The following METTL15 variants were observed in gnomAD, a reference collection of about 807,000 sequenced individuals.
METTL15 encodes the protein methyltransferase 15, mitochondrial 12S rRNA N4-cytidine.
A neutral mutation model predicts 38.3 loss-of-function variants in METTL15; 34 were observed. The ratio of observed to expected loss-of-function variants is 0.89; its 90% confidence interval spans 0.68 to 1.18. METTL15 has a LOEUF of 1.18. Ranked by LOEUF, METTL15 falls within the 50% of genes most tolerant of loss-of-function variation. The pLI is 0.00. For synonymous variants in METTL15, 162 were observed against 170.9 expected (o/e 0.95, Z 0.41); for missense variants, 438 against 498.4 (o/e 0.88, Z 1.15).
chr11:28,328,147 A>G (rs1451149190), intron 6 of METTL15: 1 of 1,611,568 alleles, frequency 6.2e-7, no homozygotes, highest in African/African-American at 1.3e-5. Flanking sequence ...AGGAAAATGG[A>G]CGAATTGAAT....
At chr11:28,172,706 C>A (rs944776127) in intron 3 of METTL15, among the ~76,000 whole-genome samples, 2 of 152,128 alleles carry the variant, frequency 1.3e-5, no homozygotes, top group Non-Finnish European at 1.5e-5. Flanking sequence ...TCAGACATTG[C>A]GTTAGGTACT....
At chr11:28,145,184 G>C (rs1849837783) in intron 3 of METTL15, 1 of 153,012 alleles carries the variant, frequency 6.5e-6, no homozygotes, top group Non-Finnish European at 1.5e-5. Flanking sequence ...TCCTCCTCCA[G>C]GTTCCAGACA....
intron 3 of METTL15, among the ~76,000 whole-genome samples, chr11:28,134,006 A>G (rs1281010098): frequency 6.6e-6 from 1 of 152,222 alleles, no homozygotes; most frequent in Admixed American, 6.5e-5. Context: ...CGAGTGACCA[A>G]CAGACTTCTT....
chr11:28,301,376 A>G (rs1856907981), intron 6 of METTL15, among the ~76,000 whole-genome samples: 1 of 152,042 alleles, frequency 6.6e-6, no homozygotes, highest in East Asian at 1.9e-4. Flanking sequence ...CTTTACTCAC[A>G]TTAGTTGAGA....
chr11:28,177,783 T>C (rs1027985233), intron 3 of METTL15, among the ~76,000 whole-genome samples: 14 of 151,954 alleles, frequency 9.2e-5, no homozygotes, highest in African/African-American at 3.4e-4. Flanking sequence ...TTTGGGTCCT[T>C]AGCAGGAGCA....
In METTL15 at chr11:28,457,178, A is replaced by G. The variant is rs1414212108; in HGVS notation, c.*424+32814A>G. On this transcript the variant is annotated intron_variant and NMD_transcript_variant, in intron 6 of 7. Transcript: ENST00000532947. ...TAAGAAGACTGCCTCTGGATGTTTTAAGCATAGAAGGAATTCATGGAAAGG... is the reference window on the plus strand; with the variant it reads ...TAAGAAGACTGCCTCTGGATGTTTTGAGCATAGAAGGAATTCATGGAAAGG... Among the ~76,000 whole-genome samples, 4 of 152,236 alleles carry G rather than the reference A, an allele frequency of 2.6e-5. No homozygotes were observed. The South Asian group carries it at 8.3e-4, about 31-fold the overall frequency.
chr11:28,475,118 G>T lies in METTL15; in HGVS notation c.*424+50754G>T, dbSNP rs554817083. Among the ~76,000 whole-genome samples the T allele has an allele frequency of 3.9e-5, 6 of 152,286 alleles. No homozygotes were observed. In the East Asian group the frequency reaches 9.7e-4, roughly 24 times the overall value. On this transcript the variant is annotated intron_variant and NMD_transcript_variant, in intron 6 of 7. Transcript: ENST00000532947. ...TACTCACCTGGGCAAGAGTTGATTT[G>T]AACAAAGGCTCTGGAAGGTGTAAAG... is the stretch of plus-strand genomic sequence containing the variant.
chr11:28,344,239 A>G (rs191698881), intron 3 of METTL15, among the ~76,000 whole-genome samples: 3 of 152,196 alleles, frequency 2.0e-5, no homozygotes, highest in Admixed American at 6.5e-5. Context: ...GAATGCACAT[A>G]TTCACATTAT....
intron 5 of METTL15, among the ~76,000 whole-genome samples, chr11:28,409,331 G>C (rs955146745): frequency 1.0e-4 from 13 of 127,990 alleles, no homozygotes; most frequent in South Asian, 7.5e-4. Flanking sequence ...GCAGTGAGCC[G>C]AGATGATGCC....
intron 6 of METTL15, among the ~76,000 whole-genome samples, chr11:28,298,167 G>A (rs1194569841): frequency 6.6e-6 from 1 of 151,980 alleles, no homozygotes; most frequent in African/African-American, 2.4e-5. Context: ...CTAAAAAAGT[G>A]TGTATACCAG....
intron 5 of METTL15, among the ~76,000 whole-genome samples, chr11:28,371,967 G>C (rs969704417): frequency 3.3e-5 from 5 of 151,634 alleles, no homozygotes; most frequent in Non-Finnish European, 4.4e-5. Flanking sequence ...TTTTCTATTT[G>C]GATGCCTTTT....
intron 5 of METTL15, among the ~76,000 whole-genome samples, chr11:28,412,319 A>G (rs1014554141): frequency 1.3e-5 from 2 of 151,950 alleles, no homozygotes; most frequent in Non-Finnish European, 2.9e-5. Flanking sequence ...ATTATTTACA[A>G]TGGTCAAAAT....
chr11:28,187,753 G>T (rs936395571), intron 3 of METTL15, among the ~76,000 whole-genome samples: 4 of 150,894 alleles, frequency 2.7e-5, no homozygotes, highest in African/African-American at 9.7e-5. Context: ...GGATGGAGGA[G>T]ATGAAAATTA....
downstream of METTL15, among the ~76,000 whole-genome samples, chr11:28,336,647 TA>T (rs534094575): frequency 6.6e-6 from 1 of 152,176 alleles, no homozygotes; most frequent in African/African-American, 2.4e-5. Flanking sequence ...ATAATGGAGC[TA>T]AAAAATTCCT....
intron 6 of METTL15, among the ~76,000 whole-genome samples, chr11:28,504,830 T>C (rs1851614405): frequency 6.6e-6 from 1 of 152,240 alleles, no homozygotes; most frequent in African/African-American, 2.4e-5. Context: ...GCAATTTTCC[T>C]TTGCAAGCTG....
At chr11:28,256,764 C>A (rs1311562853) in intron 4 of METTL15, among the ~76,000 whole-genome samples, 5 of 151,662 alleles carry the variant, frequency 3.3e-5, no homozygotes, top group Non-Finnish European at 5.9e-5. Context: ...TTTGTCCATG[C>A]TTTTCTAGTT....
chr11:28,212,950 T>A (rs1212241955), intron 4 of METTL15, among the ~76,000 whole-genome samples: 1 of 152,136 alleles, frequency 6.6e-6, no homozygotes, highest in East Asian at 1.9e-4. Context: ...AATTTTACCA[T>A]GTGTAATTTT....
intron 5 of METTL15, among the ~76,000 whole-genome samples, chr11:28,372,533 A>G (rs532929695): frequency 1.3e-5 from 2 of 151,424 alleles, no homozygotes; most frequent in African/African-American, 4.8e-5. Context: ...AACCCTACAC[A>G]AAGTTCTTCA....
rs139195360 is a variant in METTL15, at chr11:28,262,468, T to G, written c.408-27738T>G. On this transcript the variant is annotated intron_variant, in intron 4 of 6. Coordinates refer to ENST00000407364, the MANE Select transcript of METTL15 (RefSeq NM_001113528.2). ...TAGTTACTACATAGTCTTATATATA[T>G]GTGTATGCATAAACATTCGCTTCAC... Among the ~76,000 whole-genome samples, 27 of 151,882 alleles carry G rather than the reference T, an allele frequency of 1.8e-4. 1 individual carries two copies. The East Asian group carries it at 5.0e-3, about 28-fold the overall frequency.
Sources: gnomAD v4.1 joint callset for allele counts (sites outside exome capture counted in the v4.1 genomes callset) on GRCh38, gnomAD v4.1.1 for gene constraint, MANE v1.5 for transcripts, NCBI Gene and HGNC (gene_info 2026-07-23, HGNC 2026-07-21) for gene names.